CNOT6: variants seen among roughly 807,000 people sequenced by gnomAD.
CNOT6 encodes carbon catabolite repression 4 protein.
Under a neutral mutation model 61.2 loss-of-function variants are expected in CNOT6, and 12 were observed. That is an observed-to-expected ratio of 0.20 (90% CI 0.13 to 0.32). CNOT6 has a LOEUF of 0.32. Ranked by LOEUF, CNOT6 falls within the 10% of genes least tolerant of loss-of-function variation. The pLI is 1.00. For missense variants in CNOT6, 405 were observed against 663.9 expected, an observed-to-expected ratio of 0.61 and a Z score of 4.28; for synonymous variants, 225 against 240.6, an observed-to-expected ratio of 0.94 and a Z score of 0.60.
rs1010372229 is a variant in CNOT6, at chr5:180,568,021, C to T, written c.1027+18C>T. 2.5e-6 allele frequency: 4 copies of T among 1,587,466 alleles called. No homozygotes were observed. Among genetic ancestry groups the T allele is most frequent in the Non-Finnish European group, 8.6e-7 (1 of 1,164,428 alleles). On this transcript the variant is annotated intron_variant, in intron 9 of 11. Coordinates refer to ENST00000261951, the MANE Select transcript of CNOT6 (RefSeq NM_001370472.1). ...AATGCCGTGTGAGTGCCCTTCACTT[C>T]CTGTAAAATTGACCAGCTCTGACTA... is the stretch of plus-strand genomic sequence containing the variant.
At position 180,574,499 on chromosome 5, in the gene CNOT6, A is replaced by T; in HGVS notation, c.*299A>T. 1 of 425,810 alleles carries T rather than the reference A, an allele frequency of 2.3e-6. No homozygotes were observed. The highest frequency in any genetic ancestry group is 3.8e-5 in the Admixed American group (1 of 26,212). 26.4% of individuals were successfully genotyped at this position (425,810 alleles called of 1,614,324 possible). ...GAATATTTTCATGCCTGGAAATAGGAAAATGTGTGAACAGCGTATTCTCTT... is the reference window on the plus strand; with the variant it reads ...GAATATTTTCATGCCTGGAAATAGGTAAATGTGTGAACAGCGTATTCTCTT... On this transcript the variant is annotated 3_prime_UTR_variant, in exon 12 of 12. Transcript: ENST00000261951.
At chr5:180,522,363 G>A (rs1757917347) in intron 1 of CNOT6, among the ~76,000 whole-genome samples, 1 of 151,886 alleles carries the variant, frequency 6.6e-6, no homozygotes, top group Non-Finnish European at 1.5e-5. Context: ...ATCCGCCCTC[G>A]TAGGCCCCCC....
At chr5:180,518,415 A>G (rs572222276) in intron 1 of CNOT6, among the ~76,000 whole-genome samples, 1 of 152,234 alleles carries the variant, frequency 6.6e-6, no homozygotes, top group Non-Finnish European at 1.5e-5. Flanking sequence ...CGGAGATAAT[A>G]TTACTTCTGC....
At chr5:180,505,531 C>T (rs1451014965) in intron 1 of CNOT6, among the ~76,000 whole-genome samples, 2 of 144,662 alleles carry the variant, frequency 1.4e-5, no homozygotes, top group African/African-American at 5.2e-5. Flanking sequence ...ACTGGGATTA[C>T]AGGTGGTACT....
intron 1 of CNOT6, among the ~76,000 whole-genome samples, chr5:180,517,456 A>G (rs934527811): frequency 1.5e-4 from 23 of 151,672 alleles, no homozygotes; most frequent in African/African-American, 5.6e-4. Context: ...ATAATGTCGA[A>G]TGGGAATTAT....
Position 180,565,863 on chromosome 5 carries a change from T to C in CNOT6, c.603T>C (p.Tyr201=), listed in dbSNP as rs778795047. 1.9e-6 allele frequency: 3 copies of C among 1,613,556 alleles called. No individual in the cohort carries two copies. The highest frequency in any genetic ancestry group is 1.1e-5 in the South Asian group (1 of 91,020). Residue 201 remains tyrosine (Y), a synonymous_variant, in exon 7 of 12, where the codon TAT becomes TAC. Coordinates refer to ENST00000261951, the MANE Select transcript of CNOT6 (RefSeq NM_001370472.1). The stretch of plus-strand genomic sequence containing the variant: ...GCTATAATGTTCTTTGTGATAAATA[T>C]GCGACCCGGCAGTTATACGGCTACT... ...VMCYNVLCDK[Y]ATRQLYGYCP...
intron 2 of CNOT6, among the ~76,000 whole-genome samples, chr5:180,531,643 G>T (rs1466840093): frequency 6.6e-6 from 1 of 152,248 alleles, no homozygotes; most frequent in Non-Finnish European, 1.5e-5. Flanking sequence ...CGGCTGGGAG[G>T]TGGAGGTTGT....
intron 2 of CNOT6, among the ~76,000 whole-genome samples, chr5:180,540,739 G>A (rs1441807670): frequency 1.3e-5 from 2 of 152,102 alleles, no homozygotes; most frequent in South Asian, 2.1e-4. Context: ...AAGTTGAGGC[G>A]CACCTGTATT....
chr5:180,496,296 G>C (rs746798099), intron 1 of CNOT6, among the ~76,000 whole-genome samples: 1 of 152,086 alleles, frequency 6.6e-6, no homozygotes, highest in Non-Finnish European at 1.5e-5. Flanking sequence ...CAGGTGTTTT[G>C]CTTTAAACAA....
rs548922933 is a variant in CNOT6, at chr5:180,537,137, T to C, written c.112+7749T>C. Among the ~76,000 whole-genome samples, 53 of 152,376 alleles carry C rather than the reference T, an allele frequency of 3.5e-4. 1 individual carries two copies. The highest frequency in any genetic ancestry group is 3.4e-3 in the Middle Eastern group (1 of 294). The stretch of plus-strand genomic sequence containing the variant: ...CTGTGTGCAGTTCTTTGTGTAGACA[T>C]TAAGTTTTCAGCTCCTTTGGGTAAA... On this transcript the variant is annotated intron_variant, in intron 2 of 11. Transcript: ENST00000261951.
intron 2 of CNOT6, among the ~76,000 whole-genome samples, chr5:180,543,190 C>G (rs1050357215): frequency 3.3e-5 from 5 of 152,138 alleles, no homozygotes. Flanking sequence ...TCCCTAGTAG[C>G]TGGGACTACA....
chr5:180,560,993 C>T (rs533680563), intron 4 of CNOT6, among the ~76,000 whole-genome samples: 2 of 152,180 alleles, frequency 1.3e-5, no homozygotes, highest in East Asian at 1.9e-4. Flanking sequence ...GACGAGGTCT[C>T]GGGCTGGAGT....
At chr5:180,535,434 T>C (rs1397631318) in intron 2 of CNOT6, among the ~76,000 whole-genome samples, 1 of 152,342 alleles carries the variant, frequency 6.6e-6, no homozygotes, top group Non-Finnish European at 1.5e-5. Context: ...CTGAGTTGTT[T>C]TGCTTAGGAT....
chr5:180,541,998 C>T lies in CNOT6; in HGVS notation c.113-7933C>T, dbSNP rs181482311. ...CTAGTAGCTGTGACGATTTGGAAGGCGTATGTCATGGTGAGTTCTTCCGTG... is the reference window on the plus strand; with the variant it reads ...CTAGTAGCTGTGACGATTTGGAAGGTGTATGTCATGGTGAGTTCTTCCGTG... On this transcript the variant is annotated intron_variant, in intron 2 of 11. Coordinates refer to ENST00000261951, the MANE Select transcript of CNOT6 (RefSeq NM_001370472.1). 8.9e-4 allele frequency among the ~76,000 whole-genome samples: 136 copies of T among 152,098 alleles called. 1 individual carries two copies. Among genetic ancestry groups the T allele is most frequent in the African/African-American group, 2.9e-3 (120 of 41,500 alleles).
At chr5:180,540,226 G>A (rs1306498846) in intron 2 of CNOT6, among the ~76,000 whole-genome samples, 1 of 152,130 alleles carries the variant, frequency 6.6e-6, no homozygotes, top group Non-Finnish European at 1.5e-5. Context: ...CACTCATTGG[G>A]ACTATATCCC....
chr5:180,505,763 T>TA (rs1370046923), intron 1 of CNOT6, among the ~76,000 whole-genome samples: 1 of 152,114 alleles, frequency 6.6e-6, no homozygotes, highest in Non-Finnish European at 1.5e-5. Context: ...TTAGCCAGGA[T>TA]AGTGTTGATC....
At chr5:180,529,213 A>AAGG in intron 1 of CNOT6, 62 bp from the exon 2 acceptor site, 1 of 766,374 alleles carries the variant, frequency 1.3e-6, no homozygotes, top group South Asian at 1.6e-5. Flanking sequence ...AAAAAAAAAA[A>AAGG]GGTGTTGTGG....
chr5:180,539,140 A>G (rs943723408), intron 2 of CNOT6, among the ~76,000 whole-genome samples: 3 of 144,358 alleles, frequency 2.1e-5, no homozygotes, highest in Non-Finnish European at 4.5e-5. Flanking sequence ...ATGCCACTGC[A>G]CTCTAGCCTA....
intron 1 of CNOT6, among the ~76,000 whole-genome samples, chr5:180,521,547 A>C (rs370517998): frequency 9.8e-5 from 15 of 152,322 alleles, no homozygotes; most frequent in African/African-American, 3.6e-4. Flanking sequence ...CAGACTGAGT[A>C]ATTACTTTTT....
Sources: gnomAD v4.1 joint callset for allele counts (sites outside exome capture counted in the v4.1 genomes callset) on GRCh38, gnomAD v4.1.1 for gene constraint, MANE v1.5 for transcripts, NCBI Gene and HGNC (gene_info 2026-07-23, HGNC 2026-07-21) for gene names.